Variants in CNNM3 observed in about 807,000 individuals in gnomAD.
CNNM3 encodes the protein metal transporter CNNM3.
CNNM3 carries 47 observed loss-of-function variants against 57.1 expected under a neutral mutation model. The ratio of observed to expected loss-of-function variants is 0.82; its 90% CI spans 0.65 to 1.05. The LOEUF (loss-of-function observed/expected upper bound fraction) is 1.05, where lower values mean the gene tolerates loss of function less well. Among genes scored for constraint, CNNM3 ranks in the 50% least tolerant of loss-of-function variants. CNNM3 has a pLI of 0.00. For synonymous variants in CNNM3, 507 were observed against 478.2 expected (o/e 1.06, Z -0.79); for missense variants, 957 against 973.7 (o/e 0.98, Z 0.23).
chr2:96,834,979 C>CAA lies in CNNM3; in HGVS notation c.*2365_*2366dup, dbSNP rs1033811605. On this transcript the variant is annotated 3_prime_UTR_variant, in exon 8 of 8. Coordinates refer to ENST00000305510, the MANE Select transcript of CNNM3 (RefSeq NM_017623.5). ...ATATGGTTGTAATGCAGTATTCCAACAAAGACTCTGACACTGGTGCGATGT... is the reference window on the plus strand; with the variant it reads ...ATATGGTTGTAATGCAGTATTCCAACAAAAAGACTCTGACACTGGTGCGATGT... Among the ~76,000 whole-genome samples the CAA allele has an allele frequency of 7.2e-4, 110 of 152,292 alleles. No homozygotes were observed. The highest frequency in any genetic ancestry group is 2.5e-3 in the African/African-American group (105 of 41,544).
At chr2:96,827,517 C>CT (rs1265656594) in intron 3 of CNNM3, among the ~76,000 whole-genome samples, 1 of 152,176 alleles carries the variant, frequency 6.6e-6, no homozygotes, top group Non-Finnish European at 1.5e-5. Flanking sequence ...ATCCACCTGC[C>CT]TCAGCCTCCG....
intron 1 of CNNM3, among the ~76,000 whole-genome samples, chr2:96,821,112 C>T (rs867308021): frequency 6.6e-6 from 1 of 152,142 alleles, no homozygotes. Flanking sequence ...GCTCTTTAAT[C>T]CCCCTTGACT....
At chr2:96,825,260 A>G in intron 2 of CNNM3, 59 bp downstream of exon 2, 2 of 1,588,188 alleles carry the variant, frequency 1.3e-6, no homozygotes, top group African/African-American at 2.7e-5. Flanking sequence ...CCCCAGGCGT[A>G]TGTTGCGTCA....
chr2:96,817,155 T>G lies in CNNM3; in HGVS notation c.878T>G (p.Leu293Arg), dbSNP rs945050546. The G allele has an allele frequency of 7.0e-7, 1 of 1,423,066 alleles. No homozygotes were observed. The highest frequency in any genetic ancestry group is 9.1e-7 in the Non-Finnish European group (1 of 1,098,650). 88.2% of individuals were successfully genotyped at this position (1,423,066 alleles called of 1,614,324 possible). ...PGRLRERVLE[L>R]ARGGGDPYSD... ...CGGCTGCGGGAGCGGGTGCTGGAGC[T>G]GGCGCGCGGCGGCGGCGACCCCTAC... The change falls in exon 1 of 8, where the codon CTG becomes CGG. Residue 293 changes from leucine to arginine, a missense_variant. This residue lies in a region of CNNM3 where 491 missense variants were observed against 570.6 expected (regional missense o/e 0.86). Transcript: ENST00000305510.
In CNNM3 at chr2:96,825,075, A is replaced by T. The variant is rs1183508335; in HGVS notation, c.1243A>T (p.Ile415Phe). ...CCCCACAGGGAAGTCCCACCTGGCC[A>T]TCGTGCAGAAGGTGAACAACGAGGG... ...EFKRGKSHLA[I>F]VQKVNNEGEG... is the part of the protein sequence containing the mutation. Residue 415 changes from isoleucine to phenylalanine, a missense_variant, in exon 2 of 8, where the codon ATC becomes TTC. By Grantham distance (21) the Ile-to-Phe change is conservative (BLOSUM62 0). This residue lies in a region of CNNM3 where 491 missense variants were observed against 570.6 expected (regional missense o/e 0.86). Coordinates refer to ENST00000305510, the MANE Select transcript of CNNM3 (RefSeq NM_017623.5). 1 of 1,613,012 alleles carries T rather than the reference A, an allele frequency of 6.2e-7. No individual in the cohort carries two copies. The highest frequency in any genetic ancestry group is 8.5e-7 in the Non-Finnish European group (1 of 1,179,988).
intron 7 of CNNM3, among the ~76,000 whole-genome samples, chr2:96,830,799 C>T (rs1056210907): frequency 8.5e-5 from 13 of 152,306 alleles, no homozygotes; most frequent in African/African-American, 2.9e-4. Flanking sequence ...AGTAGCTGGA[C>T]GAGTAGCTAG....
downstream of CNNM3, chr2:96,836,841 AAAG>A (rs2079696961): frequency 7.7e-6 from 1 of 129,528 alleles, no homozygotes; most frequent in Non-Finnish European, 1.7e-5. Flanking sequence ...TTTTTTCCTA[AAAG>A]AAGTTTTATA....
chr2:96,828,586 C>T lies in CNNM3; in HGVS notation c.1806C>T (p.Ser602=). 6.2e-7 allele frequency: 1 copy of T among 1,614,230 alleles called. No homozygotes were observed. The highest frequency in any genetic ancestry group is 8.5e-7 in the Non-Finnish European group (1 of 1,180,048). The change falls in exon 6 of 8, where the codon TCC becomes TCT. Residue 602 remains serine, a synonymous_variant. Coordinates refer to ENST00000305510, the MANE Select transcript of CNNM3 (RefSeq NM_017623.5). ...TGATAGTTCACCAGTCCCCGGTGTC[C>T]TCGCTCCAGCCCATCCGCCATGACC... The part of the protein sequence containing the change: ...VPSSVHQSPV[S]SLQPIRHDLQ...
At chr2:96,828,296 C>G in intron 5 of CNNM3, 101 bp downstream of exon 5, 1 of 964,094 alleles carries the variant, frequency 1.0e-6, no homozygotes, top group South Asian at 1.5e-5. Context: ...ACCTCTCCTT[C>G]CACCTGAGCC....
At position 96,832,956 on chromosome 2, in the gene CNNM3, C is replaced by G; in HGVS notation, c.*340C>G. On this transcript the variant is annotated 3_prime_UTR_variant, in exon 8 of 8. Coordinates refer to ENST00000305510, the MANE Select transcript of CNNM3 (RefSeq NM_017623.5). ...CAGTGCGGCATATTCAGATTCAGAC[C>G]TCTTTGGGCTGAGCCACCTTGTGAG... The G allele has an allele frequency of 3.6e-6, 5 of 1,373,610 alleles. No homozygotes were observed. Among genetic ancestry groups the G allele is most frequent in the Non-Finnish European group, 4.8e-6 (5 of 1,043,320 alleles). 85.1% of individuals were successfully genotyped at this position (1,373,610 alleles called of 1,614,324 possible).
In CNNM3 at chr2:96,832,958, C is replaced by G; in HGVS notation, c.*342C>G. 7.3e-7 allele frequency: 1 copy of G among 1,372,388 alleles called. No individual in the cohort carries two copies. The highest frequency in any genetic ancestry group is 1.2e-5 in the South Asian group (1 of 81,738). The allele number at this position is 1,372,388 out of a possible 1,614,324, so 85.0% of individuals were successfully genotyped here. On this transcript the variant is annotated 3_prime_UTR_variant, in exon 8 of 8. Transcript: ENST00000305510. Reference sequence around the variant, plus strand: ...GTGCGGCATATTCAGATTCAGACCTCTTTGGGCTGAGCCACCTTGTGAGTG... The same window carrying G: ...GTGCGGCATATTCAGATTCAGACCTGTTTGGGCTGAGCCACCTTGTGAGTG...
Position 96,826,859 on chromosome 2 carries a change from G to A in CNNM3, c.1396G>A (p.Ala466Thr). Residue 466 changes from alanine (A) to threonine (T), a missense_variant, in exon 3 of 8, where the codon GCT (alanine) becomes ACT (threonine). Ala to Thr is a moderately conservative substitution (Grantham distance 58). Coordinates refer to ENST00000305510, the MANE Select transcript of CNNM3 (RefSeq NM_017623.5). ...YRDTVVKRKP[A>T]SLMAPLKRKE... The stretch of plus-strand genomic sequence containing the variant: ...AGACACCGTGGTGAAGAGGAAGCCT[G>A]CTTCTCTGATGGCCCCTCTGAAGCG... The A allele has an allele frequency of 6.2e-7, 1 of 1,614,238 alleles. No individual in the cohort carries two copies.
At chr2:96,821,518 C>T (rs909613736) in intron 1 of CNNM3, among the ~76,000 whole-genome samples, 9 of 152,160 alleles carry the variant, frequency 5.9e-5, no homozygotes, top group African/African-American at 2.2e-4. Flanking sequence ...CAAGGCGCCC[C>T]TCAATCAGTG....
chr2:96,824,646 A>C, intron 1 of CNNM3: 2 of 195,322 alleles, frequency 1.0e-5, no homozygotes, highest in Admixed American at 5.3e-5. Flanking sequence ...GTCGCAGGAG[A>C]GCCTGTGTTT....
Position 96,829,150 on chromosome 2 carries a change from T to G in CNNM3, c.2059+16T>G. On this transcript the variant is annotated intron_variant, in intron 7 of 7. Transcript: ENST00000305510. ...ACAGCGGCAGGTGAGTGCCAAGTGG[T>G]ACATCGTGCATGGTGTCTGGACCTG... 6.2e-7 allele frequency: 1 copy of G among 1,613,262 alleles called. No homozygotes were observed. The highest frequency in any genetic ancestry group is 8.5e-7 in the Non-Finnish European group (1 of 1,179,652).
chr2:96,836,330 C>T (rs1030677425), downstream of CNNM3, among the ~76,000 whole-genome samples: 7 of 151,734 alleles, frequency 4.6e-5, no homozygotes, highest in East Asian at 1.4e-3. Context: ...GCAACCTCCG[C>T]CTCCCAGTTC....
chr2:96,819,915 A>T (rs2079381789), intron 1 of CNNM3, among the ~76,000 whole-genome samples: 1 of 152,190 alleles, frequency 6.6e-6, no homozygotes, highest in African/African-American at 2.4e-5. Flanking sequence ...GATGCGATGG[A>T]TGAGCTTGGT....
At position 96,834,740 on chromosome 2, in the gene CNNM3, A is replaced by C. The variant is rs566344371; in HGVS notation, c.*2124A>C. Among the ~76,000 whole-genome samples the C allele has an allele frequency of 6.6e-6, 1 of 152,192 alleles. No individual in the cohort carries two copies. The highest frequency in any genetic ancestry group is 1.5e-5 in the Non-Finnish European group (1 of 68,042). ...TACATTTATCAAAACTAAAGGTGCA[A>C]TCATACTAATAGCTAGAGTTTATTT... On this transcript the variant is annotated 3_prime_UTR_variant, in exon 8 of 8. Transcript: ENST00000305510.
At chr2:96,820,807 A>C (rs2079393233) in intron 1 of CNNM3, among the ~76,000 whole-genome samples, 2 of 152,216 alleles carry the variant, frequency 1.3e-5, no homozygotes, top group Admixed American at 1.3e-4. Flanking sequence ...GATGTGGGAC[A>C]GGGGAGGAGG....
Sources: gnomAD v4.1 joint callset for allele counts (sites outside exome capture counted in the v4.1 genomes callset) on GRCh38, gnomAD v4.1.1 for gene constraint, gnomAD v4.1.1 regional missense constraint, MANE v1.5 for transcripts, NCBI Gene and HGNC (gene_info 2026-07-23, HGNC 2026-07-21) for gene names.